CATSPERB: variants seen among roughly 807,000 people sequenced by gnomAD.
The protein encoded by CATSPERB is catsper channel auxiliary subunit beta.
Under a neutral mutation model 128.3 loss-of-function variants are expected in CATSPERB, and 93 were observed. The ratio of observed to expected loss-of-function variants is 0.72; its 90% CI spans 0.61 to 0.86. The LOEUF is 0.86. Among genes scored for constraint, CATSPERB ranks in the 40% least tolerant of loss-of-function variants. CATSPERB has a pLI of 0.00. For synonymous variants in CATSPERB, 381 were observed against 448.8 expected, an observed-to-expected ratio of 0.85 and a Z score of 1.91; for missense variants, 1,153 against 1,329.5, an observed-to-expected ratio of 0.87 and a Z score of 2.06.
intron 15 of CATSPERB, among the ~76,000 whole-genome samples, chr14:91,646,417 A>T (rs927308230): frequency 6.6e-6 from 1 of 152,088 alleles, no homozygotes; most frequent in Non-Finnish European, 1.5e-5. Context: ...TTCTGCCCAT[A>T]GCTCCCTTCA....
At position 91,621,827 on chromosome 14, in the gene CATSPERB, C is replaced by A; in HGVS notation, c.2041G>T (p.Ala681Ser). The A allele has an allele frequency of 1.2e-6, 2 of 1,614,126 alleles. No homozygotes were observed. The highest frequency in any genetic ancestry group is 1.3e-5 in the African/African-American group (1 of 75,056). Residue 681 changes from alanine to serine, a missense_variant, in exon 19 of 27, where the codon GCT becomes TCT. By Grantham distance (99) the Ala-to-Ser change is moderately conservative. Coordinates refer to ENST00000256343, the MANE Select transcript of CATSPERB (RefSeq NM_024764.4). ...ILDNKNALAI[A>S]TMPESAPNNM... ...TTGGGTGCACTTTCAGGCATGGTAG[C>A]AATGGCTAATGCATTCTTATTATCT...
chr14:91,655,351 G>GGC (rs1894769337), intron 15 of CATSPERB, among the ~76,000 whole-genome samples: 1 of 152,186 alleles, frequency 6.6e-6, no homozygotes. Flanking sequence ...AGGCACCAGA[G>GGC]ACCGATCTTG....
chr14:91,589,741 C>A lies in CATSPERB; in HGVS notation c.2821-72G>T, dbSNP rs769197206. 3 of 1,443,968 alleles carry A rather than the reference C, an allele frequency of 2.1e-6. No individual in the cohort carries two copies. In the African/African-American group the frequency reaches 4.2e-5, roughly 20 times the overall value. The allele number at this position is 1,443,968 out of a possible 1,614,324, so 89.4% of individuals were successfully genotyped here. On this transcript the variant is annotated intron_variant, in intron 23 of 26. Coordinates refer to ENST00000256343, the MANE Select transcript of CATSPERB (RefSeq NM_024764.4). ...AGTCACTTCATTTCCTGGTAAAAAA[C>A]GAAAAGATATATTGCCAATAGTTTG...
intron 11 of CATSPERB, among the ~76,000 whole-genome samples, chr14:91,680,257 CCTCCAAAA>C (rs1453194606): frequency 2.6e-5 from 4 of 152,120 alleles, no homozygotes; most frequent in African/African-American, 9.7e-5. Context: ...TTTTACTTTA[CCTCCAAAA>C]CTGAAACTAT....
At chr14:91,685,372 T>C (rs1397339912) in intron 10 of CATSPERB, among the ~76,000 whole-genome samples, 1 of 152,232 alleles carries the variant, frequency 6.6e-6, no homozygotes, top group Non-Finnish European at 1.5e-5. Context: ...CAGAGAGTTA[T>C]ACAACTTGTT....
chr14:91,725,864 C>T (rs1037830168), intron 2 of CATSPERB, among the ~76,000 whole-genome samples: 1 of 152,162 alleles, frequency 6.6e-6, no homozygotes, highest in Non-Finnish European at 1.5e-5. Flanking sequence ...TGCCTTTTGG[C>T]CCACCATGGC....
chr14:91,659,818 G>C lies in CATSPERB; in HGVS notation c.1432+19C>G, dbSNP rs1566721465. ...TGGGCCACATGTAATGCTTACACCAGTGAAAGCAAATTTCTTACCTGCCTT... is the reference window on the plus strand; with the variant it reads ...TGGGCCACATGTAATGCTTACACCACTGAAAGCAAATTTCTTACCTGCCTT... On this transcript the variant is annotated intron_variant, in intron 15 of 26. Coordinates refer to ENST00000256343, the MANE Select transcript of CATSPERB (RefSeq NM_024764.4). 6.3e-7 allele frequency: 1 copy of C among 1,599,966 alleles called. No homozygotes were observed. The highest frequency in any genetic ancestry group is 2.2e-5 in the East Asian group (1 of 44,552).
At chr14:91,671,627 C>T (rs192524540) in intron 13 of CATSPERB, among the ~76,000 whole-genome samples, 33 of 149,154 alleles carry the variant, frequency 2.2e-4, no homozygotes, top group African/African-American at 8.2e-4. Context: ...AAAAAAAAAT[C>T]GTATCTCCTG....
rs536629844 is a variant in CATSPERB, at chr14:91,639,594, A to T, written c.1433-344T>A. ...CTGAAGAGGTAAAAGTCAGCAAGAA[A>T]ACAATCCTTAGGAAGGCAAGGCGAA... On this transcript the variant is annotated intron_variant, in intron 15 of 26. Coordinates refer to ENST00000256343, the MANE Select transcript of CATSPERB (RefSeq NM_024764.4). 3.3e-5 allele frequency among the ~76,000 whole-genome samples: 5 copies of T among 152,312 alleles called. No individual in the cohort carries two copies. The South Asian group carries it at 1.0e-3, about 32-fold the overall frequency.
At chr14:91,594,930 T>G (rs898385961) in intron 22 of CATSPERB, among the ~76,000 whole-genome samples, 17 of 152,120 alleles carry the variant, frequency 1.1e-4, no homozygotes, top group Non-Finnish European at 2.4e-4. Flanking sequence ...CAGCTTAGTT[T>G]TCAGTGACTC....
intron 7 of CATSPERB, among the ~76,000 whole-genome samples, chr14:91,701,097 GAA>G (rs1214146648): frequency 9.9e-5 from 15 of 152,176 alleles, no homozygotes; most frequent in African/African-American, 3.4e-4. Flanking sequence ...TATGGATGGT[GAA>G]GTCACCAAAA....
intron 14 of CATSPERB, among the ~76,000 whole-genome samples, chr14:91,664,933 A>T (rs1336951447): frequency 6.6e-6 from 1 of 152,204 alleles, no homozygotes; most frequent in Non-Finnish European, 1.5e-5. Flanking sequence ...TCTGTCACCC[A>T]GGTTGGAGTG....
intron 15 of CATSPERB, among the ~76,000 whole-genome samples, chr14:91,648,499 C>T (rs1426714510): frequency 6.6e-6 from 1 of 152,204 alleles, no homozygotes; most frequent in Non-Finnish European, 1.5e-5. Context: ...TTAACACTGT[C>T]AATTTCAAAT....
rs779176182 is a variant in CATSPERB, at chr14:91,581,110, G to A, written c.3133-3C>T. On this transcript the variant is annotated splice_polypyrimidine_tract_variant and splice_region_variant and intron_variant, in intron 26 of 26. Coordinates refer to ENST00000256343, the MANE Select transcript of CATSPERB (RefSeq NM_024764.4). ...AATGGTGCCTCATCAACATAAATCT[G>A]CAACAGAAAAAGCAAAGTCTTTAAG... 1 of 1,609,754 alleles carries A rather than the reference G, an allele frequency of 6.2e-7. No homozygotes were observed. Among genetic ancestry groups the A allele is most frequent in the South Asian group, 1.1e-5 (1 of 90,004 alleles).
chr14:91,605,063 T>G, intron 22 of CATSPERB: 2 of 1,214,228 alleles, frequency 1.6e-6, no homozygotes, highest in South Asian at 2.4e-5. Flanking sequence ...GTCTTCCTTT[T>G]TTCTGGCACT....
intron 15 of CATSPERB, among the ~76,000 whole-genome samples, chr14:91,659,409 T>C (rs1280086536): frequency 6.6e-6 from 1 of 152,208 alleles, no homozygotes; most frequent in African/African-American, 2.4e-5. Flanking sequence ...GATTACCAAA[T>C]GAAAGAGATG....
intron 14 of CATSPERB, among the ~76,000 whole-genome samples, chr14:91,664,060 A>G (rs1009615049): frequency 1.3e-5 from 2 of 152,150 alleles, no homozygotes; most frequent in African/African-American, 4.8e-5. Flanking sequence ...ATCAGACAGA[A>G]GAGTTTCACT....
intron 7 of CATSPERB, among the ~76,000 whole-genome samples, chr14:91,694,776 T>C (rs1895532486): frequency 1.3e-5 from 2 of 152,198 alleles, no homozygotes; most frequent in Admixed American, 6.5e-5. Flanking sequence ...AAGTACTTTG[T>C]TCCCCAACCC....
chr14:91,642,841 G>C (rs1456101936), intron 15 of CATSPERB, among the ~76,000 whole-genome samples: 4 of 136,916 alleles, frequency 2.9e-5, no homozygotes, highest in African/African-American at 1.1e-4. Flanking sequence ...TCTGGTCCTG[G>C]ACTCTTTTTG....
Sources: gnomAD v4.1 joint callset for allele counts (sites outside exome capture counted in the v4.1 genomes callset) on GRCh38, gnomAD v4.1.1 for gene constraint, MANE v1.5 for transcripts, NCBI Gene and HGNC (gene_info 2026-07-23, HGNC 2026-07-21) for gene names.